Variants in SYT7 observed in about 807,000 individuals in gnomAD.
The protein encoded by SYT7 is synaptotagmin 7.
SYT7 carries 29 observed loss-of-function variants against 75.1 expected under a neutral mutation model. The ratio of observed to expected loss-of-function variants is 0.39; its 90% CI spans 0.29 to 0.53. The LOEUF (loss-of-function observed/expected upper bound fraction) is 0.53, where lower values mean the gene tolerates loss of function less well. Among genes scored for constraint, SYT7 ranks in the 20% least tolerant of loss-of-function variants. The pLI, the probability that SYT7 is intolerant of heterozygous loss-of-function variation, is 0.77. For missense variants in SYT7, 693 were observed against 953.2 expected (o/e 0.73, Z 3.59); for synonymous variants, 376 against 401.7 (o/e 0.94, Z 0.76).
intron 6 of SYT7, chr11:61,540,698 G>C: frequency 2.0e-6 from 2 of 985,532 alleles, no homozygotes; most frequent in Non-Finnish European, 2.4e-6. Context: ...TTTAATGGCT[G>C]CTGGAACAGG....
In SYT7 at chr11:61,522,967, C is replaced by T. The variant is rs936403768; in HGVS notation, c.1956+108G>A. ...GAGAGGAGAGGAGACTGATCCCAAT[C>T]TCTCCTGGTGTCCAGCCTGTGCCCG... On this transcript the variant is annotated intron_variant, in intron 12 of 12. Coordinates refer to ENST00000539008, the MANE Select transcript of SYT7 (RefSeq NM_001365809.2). 8.0e-6 allele frequency: 9 copies of T among 1,124,476 alleles called. No homozygotes were observed. In the African/African-American group the frequency reaches 1.2e-4, roughly 15 times the overall value. The allele number at this position is 1,124,476 out of a possible 1,614,324, so 69.7% of individuals were successfully genotyped here.
At chr11:61,558,483 TATACACACACACACACACACATACAC>T (rs1465259383) in intron 1 of SYT7, among the ~76,000 whole-genome samples, 3 of 139,366 alleles carry the variant, frequency 2.2e-5, no homozygotes, top group African/African-American at 6.1e-5. Flanking sequence ...AAAATATATA[TATACACACACACACACACACATACAC>T]ACACACACAC....
intron 1 of SYT7, among the ~76,000 whole-genome samples, chr11:61,564,756 T>C (rs1018959635): frequency 2.0e-5 from 3 of 152,218 alleles, no homozygotes; most frequent in Non-Finnish European, 4.4e-5. Context: ...GTTAGAGCCA[T>C]GCCCAAATTA....
Position 61,542,422 on chromosome 11 carries a change from T to C in SYT7, c.730A>G (p.Thr244Ala). ...HQRGRQPSQPTTSQSLGQLQA... is the reference protein window; with the variant it reads ...HQRGRQPSQPATSQSLGQLQA... ...AGCTGGCCCAGGCTCTGGCTGGTGG[T>C]GGGCTGGCTGGGCTGCCGGCCCCGC... is the stretch of plus-strand genomic sequence containing the variant. Residue 244 changes from threonine (T) to alanine (A), a missense_variant, in exon 6 of 13, where the codon ACC becomes GCC. Physicochemically the swap from Thr to Ala is moderately conservative, Grantham distance 58. Transcript: ENST00000539008. The surrounding 1 kb of genome is among the most constrained non-coding windows in gnomAD (Gnocchi z 7.8). 2 of 1,532,442 alleles carry C rather than the reference T, an allele frequency of 1.3e-6. No homozygotes were observed. Among genetic ancestry groups the C allele is most frequent in the South Asian group, 2.4e-5 (2 of 83,874 alleles). 94.9% of individuals were successfully genotyped at this position (1,532,442 alleles called of 1,614,324 possible). A position where few individuals can be genotyped will look rare whatever the true frequency, so the allele number is the denominator to read the frequency against.
Position 61,533,151 on chromosome 11 carries a change from T to C in SYT7, c.1065-27A>G, listed in dbSNP as rs144252166. The stretch of plus-strand genomic sequence containing the variant: ...TGAGGGCAGGGGAGTCCAAATGAGA[T>C]TGGGCTGGGAAGTGAGCTGCGTTGG... On this transcript the variant is annotated intron_variant, in intron 7 of 12. Transcript: ENST00000539008. 5.2e-6 allele frequency: 8 copies of C among 1,553,118 alleles called. No homozygotes were observed. The African/African-American group carries it at 6.8e-5, about 13-fold the overall frequency.
At chr11:61,543,233 T>C (rs1359438583) in intron 5 of SYT7, among the ~76,000 whole-genome samples, 1 of 152,172 alleles carries the variant, frequency 6.6e-6, no homozygotes, top group Non-Finnish European at 1.5e-5. Context: ...TCAGGGTTCT[T>C]TGTTTCCAAG....
intron 6 of SYT7, chr11:61,540,507 G>C (rs995176561): frequency 3.0e-6 from 3 of 985,454 alleles, no homozygotes; most frequent in Non-Finnish European, 3.6e-6. Context: ...AAAGTTGGCC[G>C]ACCCTTGAGG....
At chr11:61,534,049 G>A (rs1233578543) in intron 7 of SYT7, among the ~76,000 whole-genome samples, 1 of 152,198 alleles carries the variant, frequency 6.6e-6, no homozygotes, top group Non-Finnish European at 1.5e-5. Flanking sequence ...GTTCAGCTGG[G>A]GGTCAGGAAG....
At chr11:61,522,442 G>A (rs983467165) in intron 12 of SYT7, among the ~76,000 whole-genome samples, 1 of 151,908 alleles carries the variant, frequency 6.6e-6, no homozygotes, top group African/African-American at 2.4e-5. Context: ...CACCCGTCTT[G>A]GCCTCCCAAA....
At position 61,518,575 on chromosome 11, in the gene SYT7, G is replaced by A. The variant is rs2062208782; in HGVS notation, c.*52C>T. The A allele has an allele frequency of 7.5e-7, 1 of 1,339,988 alleles. No homozygotes were observed. Among genetic ancestry groups the A allele is most frequent in the Non-Finnish European group, 1.0e-6 (1 of 978,172 alleles). 83.0% of individuals were successfully genotyped at this position (1,339,988 alleles called of 1,614,324 possible). ...CCGGGCGTTGTGCATAAAGTGGTGA[G>A]GGCATGATGGGGACCTGGGCCCTCG... On this transcript the variant is annotated 3_prime_UTR_variant, in exon 13 of 13. Transcript: ENST00000539008.
chr11:61,561,455 T>C (rs934456905), intron 1 of SYT7, among the ~76,000 whole-genome samples: 1 of 152,160 alleles, frequency 6.6e-6, no homozygotes, highest in African/African-American at 2.4e-5. Flanking sequence ...CCTGTGTGCT[T>C]TGCTGGGTCC....
chr11:61,517,404 C>A lies in SYT7; in HGVS notation c.*1223G>T, dbSNP rs902662229. ...TGAGTCGGGCAGAAGGAGCTGCTCC[C>A]GGGGACCAGGGAGTGGGGAAGGGTG... On this transcript the variant is annotated 3_prime_UTR_variant, in exon 13 of 13. Coordinates refer to ENST00000539008, the MANE Select transcript of SYT7 (RefSeq NM_001365809.2). The A allele has an allele frequency of 1.0e-5, 4 of 398,588 alleles. No homozygotes were observed. The highest frequency in any genetic ancestry group is 1.3e-5 in the Non-Finnish European group (3 of 226,194). 24.7% of individuals were successfully genotyped at this position (398,588 alleles called of 1,614,324 possible). A position where few individuals can be genotyped will look rare whatever the true frequency, so the allele number is the denominator to read the frequency against.
intron 3 of SYT7, among the ~76,000 whole-genome samples, chr11:61,550,651 C>G (rs921960056): frequency 6.6e-6 from 1 of 152,112 alleles, no homozygotes; most frequent in Admixed American, 6.5e-5. Flanking sequence ...GCCTCCCCCC[C>G]AGCAAAAGCC....
chr11:61,560,378 T>A (rs1009267711), intron 1 of SYT7, among the ~76,000 whole-genome samples: 1 of 152,110 alleles, frequency 6.6e-6, no homozygotes, highest in Non-Finnish European at 1.5e-5. Context: ...TCTGTGTTCT[T>A]GAGCTTTTGC....
chr11:61,538,243 G>T lies in SYT7; in HGVS notation c.965C>A (p.Ser322Tyr). 6.5e-7 allele frequency: 1 copy of T among 1,535,860 alleles called. No homozygotes were observed. Among genetic ancestry groups the T allele is most frequent in the Non-Finnish European group, 8.7e-7 (1 of 1,146,812 alleles). The change falls in exon 7 of 13, where the codon TCC (serine) becomes TAC (tyrosine). Residue 322 changes from serine to tyrosine, a missense_variant. By Grantham distance (144) the Ser-to-Tyr change is moderately radical. Around this residue, in one of 2 missense-constraint regions of SYT7, gnomAD observed 487 missense variants for 593.2 expected, o/e 0.82. Coordinates refer to ENST00000539008, the MANE Select transcript of SYT7 (RefSeq NM_001365809.2). ...CTGTTCCGAAAGCCCTAAGACCAAG[G>T]ATAGCACCACCATCCGGCCTTCCCT... The part of the protein sequence containing the change: ...SFLEGRMVVL[S>Y]LVLGLSEQDD...
chr11:61,574,965 C>G (rs958807202), intron 1 of SYT7, among the ~76,000 whole-genome samples: 2 of 152,088 alleles, frequency 1.3e-5, no homozygotes, highest in Non-Finnish European at 2.9e-5. Context: ...GGCGCCCCTT[C>G]TGCCTCCCAC....
At position 61,547,225 on chromosome 11, in the gene SYT7, A is replaced by C; in HGVS notation, c.299T>G (p.Leu100Arg). The change falls in exon 4 of 13, where the codon CTA (leucine) becomes CGA (arginine). Residue 100 changes from leucine to arginine, a missense_variant. Coordinates refer to ENST00000539008, the MANE Select transcript of SYT7 (RefSeq NM_001365809.2). Reference protein sequence around the residue: ...WSSYPPKEFILNISPYAPYGD... With the variant: ...WSSYPPKEFIRNISPYAPYGD... The stretch of plus-strand genomic sequence containing the variant: ...ATAAGGGGCGTAGGGTGAAATGTTT[A>C]GAATAAACTCCTTGGGAGGGTAGGA... 1 of 1,535,828 alleles carries C rather than the reference A, an allele frequency of 6.5e-7. No individual in the cohort carries two copies. The highest frequency in any genetic ancestry group is 8.7e-7 in the Non-Finnish European group (1 of 1,146,698).
At chr11:61,538,663 G>T (rs1053817260) in intron 6 of SYT7, among the ~76,000 whole-genome samples, 2 of 152,082 alleles carry the variant, frequency 1.3e-5, no homozygotes, top group Admixed American at 6.5e-5. Context: ...GGGATAGGGT[G>T]GGGGGAATGG....
intron 6 of SYT7, chr11:61,540,814 C>T (rs919072988): frequency 1.0e-6 from 1 of 985,498 alleles, no homozygotes; most frequent in Non-Finnish European, 1.2e-6. Flanking sequence ...GACCCAATTC[C>T]CTCGACTCTC....
Sources: gnomAD v4.1 joint callset for allele counts (sites outside exome capture counted in the v4.1 genomes callset) on GRCh38, gnomAD v4.1.1 for gene constraint, gnomAD v4.1.1 regional missense constraint, Gnocchi (gnomAD v3.1) non-coding constraint, MANE v1.5 for transcripts, NCBI Gene and HGNC (gene_info 2026-07-23, HGNC 2026-07-21) for gene names.